Variants in UVRAG observed in about 807,000 individuals in gnomAD.
UVRAG encodes UV radiation resistance-associated gene protein.
Under a neutral mutation model 78.0 loss-of-function variants are expected in UVRAG, and 19 were observed. The observed-to-expected ratio is 0.24, with a 90% confidence interval of 0.17 to 0.36. The LOEUF is 0.36. Among genes scored for constraint, UVRAG ranks in the 10% least tolerant of loss-of-function variants. The pLI, the probability that UVRAG is intolerant of heterozygous loss-of-function variation, is 1.00. For missense variants in UVRAG, 740 were observed against 853.8 expected, an observed-to-expected ratio of 0.87 and a Z score of 1.66; for synonymous variants, 323 against 324.6, an observed-to-expected ratio of 1.00 and a Z score of 0.05.
At chr11:75,944,111 TTC>T (rs1363097123) in intron 6 of UVRAG, among the ~76,000 whole-genome samples, 2 of 152,182 alleles carry the variant, frequency 1.3e-5, no homozygotes, top group East Asian at 3.8e-4. Context: ...ACAACCCACT[TTC>T]TGTTCTGAAC....
chr11:76,017,802 A>G, intron 12 of UVRAG, among the ~76,000 whole-genome samples: 1 of 152,208 alleles, frequency 6.6e-6, no homozygotes, highest in East Asian at 1.9e-4. Flanking sequence ...ATATTATTCA[A>G]AAGTACAGGC....
At chr11:75,849,731 G>A (rs1337907578) in intron 1 of UVRAG, among the ~76,000 whole-genome samples, 1 of 152,184 alleles carries the variant, frequency 6.6e-6, no homozygotes, top group Non-Finnish European at 1.5e-5. Context: ...CAAAATAAGT[G>A]CTATAGTAGA....
chr11:75,935,776 A>G (rs1368032879), intron 6 of UVRAG, among the ~76,000 whole-genome samples: 1 of 152,106 alleles, frequency 6.6e-6, no homozygotes, highest in African/African-American at 2.4e-5. Context: ...TAAATCATGG[A>G]TATTTGCTAC....
chr11:75,942,761 A>AT (rs1441176728), intron 6 of UVRAG, among the ~76,000 whole-genome samples: 1 of 152,200 alleles, frequency 6.6e-6, no homozygotes, highest in Non-Finnish European at 1.5e-5. Flanking sequence ...GTCTAGTTGA[A>AT]TAAGATTTAG....
At chr11:75,961,731 A>G (rs1565400496) in intron 7 of UVRAG, among the ~76,000 whole-genome samples, 182 bp downstream of exon 7, 1 of 152,242 alleles carries the variant, frequency 6.6e-6, no homozygotes, top group Non-Finnish European at 1.5e-5. Context: ...AATGTAACGC[A>G]TGAAGTGCCT....
chr11:75,924,128 C>T (rs1948036357), intron 6 of UVRAG, among the ~76,000 whole-genome samples: 1 of 152,130 alleles, frequency 6.6e-6, no homozygotes, highest in Non-Finnish European at 1.5e-5. Context: ...AGCGAATGCT[C>T]AGCAAATATT....
chr11:75,915,582 A>G (rs1209875465), intron 6 of UVRAG, among the ~76,000 whole-genome samples: 1 of 152,216 alleles, frequency 6.6e-6, no homozygotes, highest in Admixed American at 6.5e-5. Context: ...TAGCATTTGA[A>G]ATTTTATTTA....
At chr11:76,115,149 G>A (rs1332689736) in intron 13 of UVRAG, among the ~76,000 whole-genome samples, 1 of 152,168 alleles carries the variant, frequency 6.6e-6, no homozygotes, top group Non-Finnish European at 1.5e-5. Context: ...ACAGTGAAAG[G>A]AAGTGAAGAA....
chr11:75,833,349 A>G (rs1945704163), intron 1 of UVRAG, among the ~76,000 whole-genome samples: 1 of 152,178 alleles, frequency 6.6e-6, no homozygotes, highest in South Asian at 2.1e-4. Context: ...CCATTTTGCT[A>G]CATTTGCAAG....
intron 13 of UVRAG, 132 bp downstream of exon 13, chr11:76,065,920 A>G: frequency 1.4e-6 from 1 of 691,156 alleles, no homozygotes; most frequent in South Asian, 2.8e-5. Context: ...AGTAATACAC[A>G]GTTCTTTTTT....
chr11:75,943,318 TA>T (rs540653368), intron 6 of UVRAG, among the ~76,000 whole-genome samples: 29 of 150,812 alleles, frequency 1.9e-4, no homozygotes, highest in African/African-American at 7.1e-4. Flanking sequence ...TTTTTTTTTT[TA>T]AATTTATTGG....
chr11:75,954,657 C>T (rs1193733249), intron 6 of UVRAG, among the ~76,000 whole-genome samples: 1 of 152,180 alleles, frequency 6.6e-6, no homozygotes, highest in Non-Finnish European at 1.5e-5. Context: ...GGCATTAAGC[C>T]AGCAAATACA....
At chr11:75,819,306 T>G (rs557931677) in intron 1 of UVRAG, among the ~76,000 whole-genome samples, 27 of 152,318 alleles carry the variant, frequency 1.8e-4, no homozygotes, top group African/African-American at 6.5e-4. Flanking sequence ...TTACTGTAAT[T>G]TGAGCAAGAA....
At chr11:75,901,418 C>T (rs1342189453) in intron 5 of UVRAG, among the ~76,000 whole-genome samples, 1 of 152,176 alleles carries the variant, frequency 6.6e-6, no homozygotes, top group Non-Finnish European at 1.5e-5. Context: ...ATAAACACCT[C>T]CAGTCTAGAT....
chr11:76,139,584 CTG>C (rs967103669), intron 14 of UVRAG, among the ~76,000 whole-genome samples: 59 of 152,316 alleles, frequency 3.9e-4, no homozygotes, highest in African/African-American at 1.4e-3. Context: ...GTCAAATGAT[CTG>C]TGTGTGCCTC....
Position 75,983,307 on chromosome 11 carries a change from T to G in UVRAG, c.700-80T>G, listed in dbSNP as rs537064436. ...TAAAATGTTTTAAGCCATTATTTAT[T>G]TTTAAACATTGTGAGTATGTAATTA... is the stretch of plus-strand genomic sequence containing the variant. On this transcript the variant is annotated intron_variant, in intron 7 of 14. Transcript: ENST00000356136. 7.8e-6 allele frequency: 10 copies of G among 1,287,626 alleles called. No homozygotes were observed. The East Asian group carries it at 2.4e-4, about 30-fold the overall frequency. 79.8% of individuals were successfully genotyped at this position (1,287,626 alleles called of 1,614,324 possible).
chr11:75,906,369 T>TA (rs1368616583), intron 5 of UVRAG, among the ~76,000 whole-genome samples: 3 of 151,084 alleles, frequency 2.0e-5, no homozygotes, highest in Non-Finnish European at 4.4e-5. Flanking sequence ...TGTTTGGAGA[T>TA]AGAGTCTCAC....
chr11:76,007,653 G>A (rs367999213), intron 10 of UVRAG, 32 bp downstream of exon 10: 51 of 1,553,932 alleles, frequency 3.3e-5, no homozygotes, highest in African/African-American at 6.8e-5. Context: ...AATATTTTTC[G>A]TTTTGAAAAG....
intron 3 of UVRAG, among the ~76,000 whole-genome samples, chr11:75,862,675 A>G (rs1182501102): frequency 6.6e-6 from 1 of 152,188 alleles, no homozygotes; most frequent in Non-Finnish European, 1.5e-5. Flanking sequence ...AAGACCTTCT[A>G]TGGCTATCTC....
Sources: gnomAD v4.1 joint callset for allele counts (sites outside exome capture counted in the v4.1 genomes callset) on GRCh38, gnomAD v4.1.1 for gene constraint, MANE v1.5 for transcripts, NCBI Gene and HGNC (gene_info 2026-07-23, HGNC 2026-07-21) for gene names.